CPA6: variants seen among roughly 807,000 people sequenced by gnomAD.
The protein encoded by CPA6 is carboxypeptidase A6.
Under a neutral mutation model 63.3 loss-of-function variants are expected in CPA6, and 58 were observed. That is an observed-to-expected ratio of 0.92 (90% CI 0.74 to 1.14). CPA6 has a LOEUF of 1.14. Ranked by LOEUF, CPA6 falls within the 50% of genes most tolerant of loss-of-function variation. The probability of loss-of-function intolerance (pLI) is 0.00; values close to 1 mark genes in which losing one functional copy is unlikely to be tolerated. For synonymous variants in CPA6, 185 were observed against 179.0 expected (o/e 1.03, Z -0.27); for missense variants, 565 against 526.6 (o/e 1.07, Z -0.71).
chr8:67,583,840 C>T (rs1813844168), intron 2 of CPA6, among the ~76,000 whole-genome samples: 1 of 152,018 alleles, frequency 6.6e-6, no homozygotes, highest in Non-Finnish European at 1.5e-5. Context: ...AGACAGCTGT[C>T]AAGGAGGTGG....
chr8:67,567,758 A>G (rs948997983), intron 2 of CPA6, among the ~76,000 whole-genome samples: 1 of 152,216 alleles, frequency 6.6e-6, no homozygotes, highest in African/African-American at 2.4e-5. Flanking sequence ...GCACAGTGCC[A>G]CACAGGGTAC....
At chr8:67,733,344 G>A (rs944897906) in intron 1 of CPA6, among the ~76,000 whole-genome samples, 3 of 151,546 alleles carry the variant, frequency 2.0e-5, no homozygotes, top group African/African-American at 4.9e-5. Context: ...TCTCTCAAGT[G>A]CCCAGGTGGT....
intron 2 of CPA6, among the ~76,000 whole-genome samples, chr8:67,604,789 T>G (rs1814586030): frequency 6.6e-6 from 1 of 152,202 alleles, no homozygotes; most frequent in Non-Finnish European, 1.5e-5. Flanking sequence ...TGTTTGTTTG[T>G]TTTTTGAGAT....
At chr8:67,476,846 CA>C (rs1485824848) in intron 8 of CPA6, among the ~76,000 whole-genome samples, 1 of 152,140 alleles carries the variant, frequency 6.6e-6, no homozygotes, top group Non-Finnish European at 1.5e-5. Flanking sequence ...TAGCATCTAC[CA>C]ATGAGAAGTT....
At chr8:67,734,601 G>C (rs1443959854) in intron 1 of CPA6, among the ~76,000 whole-genome samples, 1 of 152,144 alleles carries the variant, frequency 6.6e-6, no homozygotes, top group Non-Finnish European at 1.5e-5. Flanking sequence ...CGAGGGCTTA[G>C]AATATTTTTT....
intron 2 of CPA6, among the ~76,000 whole-genome samples, chr8:67,534,435 C>CCTAT (rs1267396796): frequency 1.3e-5 from 2 of 152,094 alleles, no homozygotes; most frequent in African/African-American, 4.8e-5. Flanking sequence ...TATACAGGTA[C>CCTAT]ATGTAGGTTT....
At chr8:67,591,054 A>G (rs970111580) in intron 2 of CPA6, among the ~76,000 whole-genome samples, 31 of 150,610 alleles carry the variant, frequency 2.1e-4, no homozygotes, top group African/African-American at 7.5e-4. Context: ...TCTTGAATTA[A>G]TTTTTGTATA....
intron 1 of CPA6, among the ~76,000 whole-genome samples, chr8:67,739,751 A>T (rs1256360335): frequency 6.6e-6 from 1 of 152,220 alleles, no homozygotes; most frequent in Non-Finnish European, 1.5e-5. Flanking sequence ...AGCCATGCAG[A>T]GGATTCTGCC....
chr8:67,661,425 G>A (rs1816106723), intron 1 of CPA6, among the ~76,000 whole-genome samples: 1 of 152,190 alleles, frequency 6.6e-6, no homozygotes. Context: ...GGAAGCCGCT[G>A]TGTGATCTGA....
intron 2 of CPA6, among the ~76,000 whole-genome samples, chr8:67,610,684 C>T (rs1814782540): frequency 6.6e-6 from 1 of 152,144 alleles, no homozygotes; most frequent in South Asian, 2.1e-4. Flanking sequence ...CCAGCTTCCC[C>T]ATCCAGGCTC....
intron 2 of CPA6, among the ~76,000 whole-genome samples, chr8:67,573,643 A>T (rs1005882644): frequency 6.6e-6 from 1 of 152,128 alleles, no homozygotes; most frequent in Non-Finnish European, 1.5e-5. Context: ...CTGTAATCCC[A>T]GCACTTTGGG....
intron 2 of CPA6, among the ~76,000 whole-genome samples, chr8:67,581,484 C>T (rs57095373): frequency 0.033 from 4,998 of 152,204 alleles, 120 homozygotes; most frequent in African/African-American, 0.066. Context: ...TGGGTGTTAA[C>T]GGTGAAGCAG....
chr8:67,644,141 CAG>C (rs769592532), intron 1 of CPA6, among the ~76,000 whole-genome samples: 77 of 148,514 alleles, frequency 5.2e-4, no homozygotes, highest in Non-Finnish European at 9.2e-4. Flanking sequence ...TTTTTTGAGA[CAG>C]AGTCTCGCTC....
intron 10 of CPA6, among the ~76,000 whole-genome samples, 190 bp from the exon 11 acceptor site, chr8:67,422,881 C>T (rs1809799075): frequency 6.6e-6 from 1 of 152,184 alleles, no homozygotes; most frequent in African/African-American, 2.4e-5. Context: ...ATCATCCCTT[C>T]AACCATCTTT....
chr8:67,522,049 A>G (rs1050553862), intron 2 of CPA6, among the ~76,000 whole-genome samples: 2 of 152,126 alleles, frequency 1.3e-5, no homozygotes, highest in African/African-American at 2.4e-5. Flanking sequence ...ACCCGGTGAA[A>G]CCCGATCTTC....
At chr8:67,715,283 T>C (rs1817354045) in intron 1 of CPA6, among the ~76,000 whole-genome samples, 1 of 152,254 alleles carries the variant, frequency 6.6e-6, no homozygotes, top group African/African-American at 2.4e-5. Flanking sequence ...CCTATATTTC[T>C]GACCAACTGG....
chr8:67,642,035 C>T (rs894597843), intron 1 of CPA6, among the ~76,000 whole-genome samples: 1 of 152,016 alleles, frequency 6.6e-6, no homozygotes, highest in Admixed American at 6.5e-5. Flanking sequence ...GATTAAAGGA[C>T]ATTAGGTCGG....
At chr8:67,608,918 A>C (rs1814735226) in intron 2 of CPA6, among the ~76,000 whole-genome samples, 1 of 152,228 alleles carries the variant, frequency 6.6e-6, no homozygotes, top group Admixed American at 6.5e-5. Flanking sequence ...AGGTTGTGAA[A>C]TACAGCACCC....
At position 67,510,992 on chromosome 8, in the gene CPA6, G is replaced by A. The variant is rs927739259; in HGVS notation, c.432+549C>T. Among the ~76,000 whole-genome samples, 4 of 152,170 alleles carry A rather than the reference G, an allele frequency of 2.6e-5. No homozygotes were observed. The East Asian group carries it at 5.8e-4, about 22-fold the overall frequency. On this transcript the variant is annotated intron_variant, in intron 4 of 10. Coordinates refer to ENST00000297770, the MANE Select transcript of CPA6 (RefSeq NM_020361.5). ...TAGGAACAGCTACCTTTTTGCTTAA[G>A]CTGAGATTTGCAGAACAACAACCTG...
Sources: gnomAD v4.1 joint callset for allele counts (sites outside exome capture counted in the v4.1 genomes callset) on GRCh38, gnomAD v4.1.1 for gene constraint, MANE v1.5 for transcripts, NCBI Gene and HGNC (gene_info 2026-07-23, HGNC 2026-07-21) for gene names.